The following ADAM23 variants were observed in gnomAD, a reference collection of about 807,000 sequenced individuals.
The protein encoded by ADAM23 is disintegrin and metalloproteinase domain-containing protein 23.
ADAM23 carries 33 observed loss-of-function variants against 120.1 expected under a neutral mutation model. The ratio of observed to expected loss-of-function variants is 0.27; its 90% CI spans 0.21 to 0.37. The LOEUF (loss-of-function observed/expected upper bound fraction) is 0.37. Ranked by LOEUF, ADAM23 falls within the 10% of genes least tolerant of loss-of-function variation. ADAM23 has a pLI of 1.00. For missense variants in ADAM23, 862 were observed against 1,058.2 expected (o/e 0.81, Z 2.57); for synonymous variants, 367 against 375.2 (o/e 0.98, Z 0.25).
At chr2:206,483,741 G>C (rs984997820) in intron 3 of ADAM23, among the ~76,000 whole-genome samples, 65 of 152,148 alleles carry the variant, frequency 4.3e-4, no homozygotes, top group Non-Finnish European at 2.2e-4. Context: ...TTTGCCCTTT[G>C]GATTTGCCAT....
chr2:206,497,392 A>C (rs914097827), intron 3 of ADAM23, among the ~76,000 whole-genome samples: 1 of 152,200 alleles, frequency 6.6e-6, no homozygotes, highest in Non-Finnish European at 1.5e-5. Context: ...ACAGAACCAA[A>C]GACAAAAACC....
At chr2:206,583,556 T>G (rs1188283900) in intron 18 of ADAM23, among the ~76,000 whole-genome samples, 1 of 152,204 alleles carries the variant, frequency 6.6e-6, no homozygotes, top group Non-Finnish European at 1.5e-5. Flanking sequence ...TGTTCATATT[T>G]TCTTATTCTT....
rs1163033303 is a variant in ADAM23 at position 206,566,289 on chromosome 2, A to G, written c.1395-934A>G. Among the ~76,000 whole-genome samples the G allele has an allele frequency of 2.6e-5, 4 of 151,726 alleles. No individual in the cohort carries two copies. In the South Asian group the frequency reaches 6.2e-4, roughly 24 times the overall value. ...TATTTTCTCAAGAATACATTTCTAT[A>G]TATTTTTCTAAGAGGTTCCTATCAA... On this transcript the variant is annotated intron_variant, in intron 14 of 25. Transcript: ENST00000264377.
Position 206,543,263 on chromosome 2 carries a change from G to A in ADAM23, c.667G>A (p.Glu223Lys). The change falls in exon 6 of 26, where the codon GAA becomes AAA. Residue 223 changes from glutamate (E) to lysine (K), a missense_variant. Coordinates refer to ENST00000264377, the MANE Select transcript of ADAM23 (RefSeq NM_003812.4). ...STCNGLHGMF[E>K]DDTFVYMIEP... is the part of the protein sequence containing the mutation. The stretch of plus-strand genomic sequence containing the variant: ...TTTCTTTTGTGCTAGTGGCATGTTT[G>A]AAGATGATACCTTCGTGTATATGAT... 2 of 1,613,960 alleles carry A rather than the reference G, an allele frequency of 1.2e-6. No individual in the cohort carries two copies. Among genetic ancestry groups the A allele is most frequent in the Non-Finnish European group, 1.7e-6 (2 of 1,179,926 alleles).
chr2:206,461,049 T>C (rs1327297047), intron 2 of ADAM23, among the ~76,000 whole-genome samples: 2 of 151,828 alleles, frequency 1.3e-5, no homozygotes, highest in African/African-American at 4.8e-5. Flanking sequence ...ATTTCTTTCA[T>C]TCTTTTTCTT....
intron 15 of ADAM23, among the ~76,000 whole-genome samples, chr2:206,570,305 C>T (rs1697970177): frequency 6.6e-6 from 1 of 152,162 alleles, no homozygotes; most frequent in African/African-American, 2.4e-5. Flanking sequence ...TCACATTTGG[C>T]TATGACTGAA....
intron 18 of ADAM23, among the ~76,000 whole-genome samples, chr2:206,577,493 A>G (rs996665208): frequency 1.4e-5 from 2 of 140,414 alleles, no homozygotes; most frequent in South Asian, 2.4e-4. Context: ...GTTCCCACCT[A>G]TGAGTGAGAA....
chr2:206,530,891 G>A lies in ADAM23; in HGVS notation c.516G>A (p.Leu172=). ...TATTTTCTTTCCTTTGTAGTGGTTT[G>A]TTGTCTTCTGATTATGTGGAGATTC... ...FILDLILNNG[L]LSSDYVEIHY... The change falls in exon 4 of 26, where the codon TTG becomes TTA. Residue 172 remains leucine (L), a synonymous_variant. Coordinates refer to ENST00000264377, the MANE Select transcript of ADAM23 (RefSeq NM_003812.4). 6.2e-7 allele frequency: 1 copy of A among 1,613,654 alleles called. No individual in the cohort carries two copies. The highest frequency in any genetic ancestry group is 8.5e-7 in the Non-Finnish European group (1 of 1,179,792).
chr2:206,600,788 A>G lies in ADAM23; in HGVS notation c.2359+4626A>G, dbSNP rs1049232571. ...AAGGCATGCTAGATTATTCACGCCA[A>G]CTTCTCAAACCAAACTATTGAAAGA... On this transcript the variant is annotated intron_variant, in intron 24 of 25. Coordinates refer to ENST00000264377, the MANE Select transcript of ADAM23 (RefSeq NM_003812.4). Among the ~76,000 whole-genome samples the G allele has an allele frequency of 3.9e-5, 6 of 152,168 alleles. No homozygotes were observed. In the East Asian group the frequency reaches 7.7e-4, roughly 19 times the overall value.
chr2:206,530,803 C>G, intron 3 of ADAM23, 82 bp from the exon 4 acceptor site: 1 of 1,208,492 alleles, frequency 8.3e-7, no homozygotes, highest in East Asian at 2.5e-5. Context: ...GCATGCCCCT[C>G]ACGTTCATTT....
At chr2:206,486,033 G>A (rs1014275909) in intron 3 of ADAM23, among the ~76,000 whole-genome samples, 2 of 152,234 alleles carry the variant, frequency 1.3e-5, no homozygotes, top group African/African-American at 2.4e-5. Context: ...GCAGGGGATA[G>A]TGGGAGAACG....
Position 206,508,382 on chromosome 2 carries a change from G to A in ADAM23, c.510-22503G>A, listed in dbSNP as rs112982340. Among the ~76,000 whole-genome samples, 973 of 152,244 alleles carry A rather than the reference G, an allele frequency of 6.4e-3. 15 individuals carry two copies. Among genetic ancestry groups the A allele is most frequent in the African/African-American group, 0.022 (902 of 41,548 alleles). ...GGTCTTAGAAAAGGCTAGGCTGGGC[G>A]TGGTGGCTCTCACCTGTAATCCCAG... On this transcript the variant is annotated intron_variant, in intron 3 of 25. Transcript: ENST00000264377.
In ADAM23 at chr2:206,510,245, CAAAT is replaced by C. The variant is rs1217485066; in HGVS notation, c.510-20639_510-20636del. The stretch of plus-strand genomic sequence containing the variant: ...ATAAATATTAAATTTAAAAGAAAAA[CAAAT>C]GAAATGAAAGGAATTGGTGAAGATC... On this transcript the variant is annotated intron_variant, in intron 3 of 25. Transcript: ENST00000264377. Among the ~76,000 whole-genome samples, 13 of 152,124 alleles carry C rather than the reference CAAAT, an allele frequency of 8.5e-5. No individual in the cohort carries two copies. The East Asian group carries it at 2.1e-3, about 25-fold the overall frequency.
At chr2:206,568,603 C>T (rs1163433350) in intron 15 of ADAM23, among the ~76,000 whole-genome samples, 1 of 152,196 alleles carries the variant, frequency 6.6e-6, no homozygotes. Flanking sequence ...TAAATCGGGG[C>T]TGTAGACCTG....
In ADAM23 at chr2:206,538,270, T is replaced by C. The variant is rs575818269; in HGVS notation, c.574-3782T>C. Among the ~76,000 whole-genome samples the C allele has an allele frequency of 2.6e-5, 4 of 152,282 alleles. No individual in the cohort carries two copies. In the East Asian group the frequency reaches 7.7e-4, roughly 29 times the overall value. On this transcript the variant is annotated intron_variant, in intron 4 of 25. Coordinates refer to ENST00000264377, the MANE Select transcript of ADAM23 (RefSeq NM_003812.4). ...GTTCCCCAAGTCTCCAAAATTATTG[T>C]TTTTTATTTCCTTATTCTGCAGTAC... is the stretch of plus-strand genomic sequence containing the variant.
chr2:206,532,253 A>C (rs1485727419), intron 4 of ADAM23, among the ~76,000 whole-genome samples: 2 of 152,068 alleles, frequency 1.3e-5, no homozygotes, highest in African/African-American at 4.8e-5. Flanking sequence ...GGAACTTTAT[A>C]GACTCAGCAA....
At chr2:206,592,575 T>A in intron 21 of ADAM23, 42 bp from the exon 22 acceptor site, 1 of 1,582,640 alleles carries the variant, frequency 6.3e-7, no homozygotes, top group Admixed American at 1.8e-5. Context: ...TTGAGCTTGA[T>A]TCCTCCTGTC....
chr2:206,564,205 GCTCT>G (rs947204422), intron 13 of ADAM23, among the ~76,000 whole-genome samples: 4 of 151,592 alleles, frequency 2.6e-5, no homozygotes, highest in East Asian at 1.9e-4. Flanking sequence ...GATATATATT[GCTCT>G]CTCTATCGAT....
At chr2:206,540,558 A>G (rs1697269617) in intron 4 of ADAM23, among the ~76,000 whole-genome samples, 1 of 152,140 alleles carries the variant, frequency 6.6e-6, no homozygotes, top group African/African-American at 2.4e-5. Context: ...CAAAGACAGG[A>G]GAAGAGAAAA....
Sources: gnomAD v4.1 joint callset for allele counts (sites outside exome capture counted in the v4.1 genomes callset) on GRCh38, gnomAD v4.1.1 for gene constraint, MANE v1.5 for transcripts, NCBI Gene and HGNC (gene_info 2026-07-23, HGNC 2026-07-21) for gene names.